The following KIF1B variants were observed in gnomAD, a reference collection of about 807,000 sequenced individuals.
KIF1B encodes kinesin family member 1B.
KIF1B carries 76 observed loss-of-function variants against 241.9 expected under a neutral mutation model. The ratio of observed to expected loss-of-function variants is 0.31; its 90% CI spans 0.26 to 0.38. The LOEUF (loss-of-function observed/expected upper bound fraction) is 0.38. Among genes scored for constraint, KIF1B ranks in the 10% least tolerant of loss-of-function variants. The pLI is 1.00. For missense variants in KIF1B, 1,622 were observed against 2,271.4 expected, an observed-to-expected ratio of 0.71 and a Z score of 5.81; for synonymous variants, 750 against 796.7, an observed-to-expected ratio of 0.94 and a Z score of 0.99.
At chr1:10,346,512 G>A (rs1486163891) in intron 35 of KIF1B, among the ~76,000 whole-genome samples, 3 of 151,974 alleles carry the variant, frequency 2.0e-5, no homozygotes, top group East Asian at 1.9e-4. Context: ...TTACAGGTGC[G>A]TGCCACCACG....
intron 1 of KIF1B, among the ~76,000 whole-genome samples, chr1:10,228,179 G>A (rs1280686165): frequency 6.6e-6 from 1 of 151,600 alleles, no homozygotes; most frequent in African/African-American, 2.4e-5. Context: ...GACAGAGTGA[G>A]ACTCCATCTC....
chr1:10,353,424 T>G (rs565073071), intron 38 of KIF1B, among the ~76,000 whole-genome samples: 1 of 152,346 alleles, frequency 6.6e-6, no homozygotes, highest in South Asian at 2.1e-4. Context: ...AGACTAGAAC[T>G]AAACCAGCTG....
chr1:10,272,438 C>T, intron 9 of KIF1B, 132 bp downstream of exon 9: 1 of 721,018 alleles, frequency 1.4e-6, no homozygotes. Flanking sequence ...CCTTTTAGAG[C>T]TTTTCAGATA....
At chr1:10,339,905 C>G in intron 32 of KIF1B, 46 bp downstream of exon 32, 1 of 1,509,952 alleles carries the variant, frequency 6.6e-7, no homozygotes, top group Non-Finnish European at 9.2e-7. Flanking sequence ...TTTCTGGTAC[C>G]TTGGCTTTCT....
intron 2 of KIF1B, among the ~76,000 whole-genome samples, chr1:10,252,320 G>T (rs965365074): frequency 2.0e-5 from 3 of 152,014 alleles, no homozygotes; most frequent in Admixed American, 1.3e-4. Flanking sequence ...GATTACAGGC[G>T]TGAGTGACCG....
chr1:10,290,954 A>C, intron 15 of KIF1B, 128 bp from the exon 16 acceptor site: 1 of 693,740 alleles, frequency 1.4e-6, no homozygotes, highest in Non-Finnish European at 2.5e-6. Context: ...TATTAATAAA[A>C]GAAAAATCTC....
At position 10,377,227 on chromosome 1, in the gene KIF1B, T is replaced by C. The variant is rs563940233; in HGVS notation, c.*640T>C. ...GTAGTGAGCATAGAACTGCAACAGTTATATTCTGAGTCAAAGTTGGGGCTT... is the reference window on the plus strand; with the variant it reads ...GTAGTGAGCATAGAACTGCAACAGTCATATTCTGAGTCAAAGTTGGGGCTT... On this transcript the variant is annotated 3_prime_UTR_variant, in exon 49 of 49. Coordinates refer to ENST00000676179, the MANE Select transcript of KIF1B (RefSeq NM_001365951.3). 4.3e-6 allele frequency: 1 copy of C among 232,000 alleles called. No individual in the cohort carries two copies. The highest frequency in any genetic ancestry group is 8.5e-6 in the Non-Finnish European group (1 of 116,978). 14.4% of individuals were successfully genotyped at this position (232,000 alleles called of 1,614,324 possible).
At chr1:10,221,094 C>CT (rs34039054) in intron 1 of KIF1B, among the ~76,000 whole-genome samples, 39,305 of 94,224 alleles carry the variant, frequency 0.42, 10,759 homozygotes, top group African/African-American at 0.48. Context: ...CAGAAAGAAG[C>CT]TTTTTTTTTT....
At chr1:10,348,047 G>A (rs1025436587) in intron 36 of KIF1B, among the ~76,000 whole-genome samples, 4 of 151,510 alleles carry the variant, frequency 2.6e-5, no homozygotes, top group Non-Finnish European at 5.9e-5. Context: ...ATTTAGAATA[G>A]CTATTTTGAA....
At chr1:10,370,029 G>A (rs1021174305) in intron 44 of KIF1B, among the ~76,000 whole-genome samples, 18 of 148,862 alleles carry the variant, frequency 1.2e-4, no homozygotes, top group Non-Finnish European at 4.5e-5. Context: ...CGAGGTGGGC[G>A]GATCACCTGA....
At chr1:10,211,320 C>G (rs1017830612) in intron 1 of KIF1B, among the ~76,000 whole-genome samples, 8 of 152,220 alleles carry the variant, frequency 5.3e-5, no homozygotes, top group Non-Finnish European at 1.2e-4. Context: ...GTGGTTATGC[C>G]CTTTGCCAGA....
Position 10,332,555 on chromosome 1 carries a change from G to A in KIF1B, c.2925-1965G>A, listed in dbSNP as rs369487940. ...TTTTGAGACGGAGTCTCACTCTGTC[G>A]CCCAGGCTGGAGTGCAGTGGCGCGA... On this transcript the variant is annotated intron_variant, in intron 27 of 48. Coordinates refer to ENST00000676179, the MANE Select transcript of KIF1B (RefSeq NM_001365951.3). 1.5e-3 allele frequency among the ~76,000 whole-genome samples: 148 copies of A among 100,168 alleles called. 2 individuals carry two copies. In the East Asian group the frequency reaches 0.031, roughly 21 times the overall value. The allele number at this position is 100,168 out of a possible 152,430, so 65.7% of individuals were successfully genotyped here.
chr1:10,363,417 C>A, intron 41 of KIF1B, 73 bp downstream of exon 41: 2 of 1,232,060 alleles, frequency 1.6e-6, no homozygotes, highest in Non-Finnish European at 2.4e-6. Context: ...TTAGGCTGGG[C>A]ACGGTGGCAC....
At chr1:10,280,889 T>C (rs540960012) in intron 14 of KIF1B, among the ~76,000 whole-genome samples, 1 of 152,338 alleles carries the variant, frequency 6.6e-6, no homozygotes, top group East Asian at 1.9e-4. Context: ...CCCTGACTCC[T>C]TCTCAGTTTC....
intron 1 of KIF1B, among the ~76,000 whole-genome samples, chr1:10,219,653 G>A (rs917078786): frequency 6.6e-6 from 1 of 151,994 alleles, no homozygotes; most frequent in Non-Finnish European, 1.5e-5. Context: ...AGCTACTCGG[G>A]AGGCTGAGGC....
At position 10,277,898 on chromosome 1, in the gene KIF1B, G is replaced by T. The variant is rs1298301173; in HGVS notation, c.1038-88G>T. 1.3e-5 allele frequency: 15 copies of T among 1,162,708 alleles called. 1 individual carries two copies. In the South Asian group the frequency reaches 2.0e-4, roughly 15 times the overall value. The allele number at this position is 1,162,708 out of a possible 1,614,324, so 72.0% of individuals were successfully genotyped here. ...AGGCTCATAAAATGTAAACACTCAG[G>T]ATATTTGATTTAGAGATAATAGTAT... On this transcript the variant is annotated intron_variant, in intron 12 of 48. Transcript: ENST00000676179.
At chr1:10,217,115 A>G (rs1050354153) in intron 1 of KIF1B, among the ~76,000 whole-genome samples, 1 of 150,974 alleles carries the variant, frequency 6.6e-6, no homozygotes, top group African/African-American at 2.4e-5. Flanking sequence ...CTGGGATTAC[A>G]AACGTGTGCC....
chr1:10,271,518 T>G lies in KIF1B; in HGVS notation c.737T>G (p.Leu246Trp). ...LSTEKVSKIS[L>W]VDLAGSERAD... ...CTTTATCAGGTCAGTAAAATCAGCT[T>G]GGTGGATCTAGCAGGAAGTGAACGA... Residue 246 changes from leucine to tryptophan, a missense_variant, in exon 8 of 49, where the codon TTG (leucine) becomes TGG (tryptophan). Physicochemically the swap from Leu to Trp is moderately conservative, Grantham distance 61. Around this residue, in one of 7 missense-constraint regions of KIF1B, gnomAD observed 201 missense variants for 301.2 expected, o/e 0.67. Coordinates refer to ENST00000676179, the MANE Select transcript of KIF1B (RefSeq NM_001365951.3). 1 of 1,613,678 alleles carries G rather than the reference T, an allele frequency of 6.2e-7. No homozygotes were observed.
At chr1:10,368,404 A>G in intron 43 of KIF1B, 63 bp from the exon 44 acceptor site, 1 of 1,438,448 alleles carries the variant, frequency 7.0e-7, no homozygotes, top group South Asian at 1.1e-5. Flanking sequence ...GTGGTCAGCT[A>G]TCCCAAGGCT....
Sources: gnomAD v4.1 joint callset for allele counts (sites outside exome capture counted in the v4.1 genomes callset) on GRCh38, gnomAD v4.1.1 for gene constraint, gnomAD v4.1.1 regional missense constraint, MANE v1.5 for transcripts, NCBI Gene and HGNC (gene_info 2026-07-23, HGNC 2026-07-21) for gene names.